Variants in TINAGL1 observed in about 807,000 individuals in gnomAD.
TINAGL1 encodes the protein tubulointerstitial nephritis antigen like 1.
TINAGL1 carries 34 observed loss-of-function variants against 62.0 expected under a neutral mutation model. The ratio of observed to expected loss-of-function variants is 0.55; its 90% CI spans 0.42 to 0.73. TINAGL1 has a LOEUF of 0.73. Ranked by LOEUF, TINAGL1 falls within the 30% of genes least tolerant of loss-of-function variation. The pLI, the probability that TINAGL1 is intolerant of heterozygous loss-of-function variation, is 0.00. For missense variants in TINAGL1, 516 were observed against 653.2 expected (o/e 0.79, Z 2.29); for synonymous variants, 221 against 249.7 (o/e 0.88, Z 1.08).
rs1227484015 is a variant in TINAGL1 at position 31,577,249 on chromosome 1, G to T, written c.101G>T (p.Gly34Val). ...CGTGGGCGCCGGGAGCTAGCACCGG[G>T]TCTGCACCTGCGGGGCATCCGGGAC... Reference protein sequence around the residue: ...QGRGRRELAPGLHLRGIRDAG... With the variant: ...QGRGRRELAPVLHLRGIRDAG... The change falls in exon 2 of 12, where the codon GGT (glycine) becomes GTT (valine). Residue 34 changes from glycine (G) to valine (V), a missense_variant. Transcript: ENST00000271064. The surrounding 1 kb of genome is among the most constrained non-coding windows in gnomAD (Gnocchi z 5.4). 5 of 1,610,226 alleles carry T rather than the reference G, an allele frequency of 3.1e-6. No individual in the cohort carries two copies. The highest frequency in any genetic ancestry group is 4.2e-6 in the Non-Finnish European group (5 of 1,179,098).
chr1:31,582,181 T>G (rs1025943386), intron 3 of TINAGL1, among the ~76,000 whole-genome samples: 18 of 151,922 alleles, frequency 1.2e-4, no homozygotes, highest in African/African-American at 3.9e-4. Flanking sequence ...ATTGCAAAAT[T>G]TAGCTGGGTG....
intron 10 of TINAGL1, 40 bp from the exon 11 acceptor site, chr1:31,586,670 T>C (rs993250746): frequency 1.3e-6 from 2 of 1,554,404 alleles, no homozygotes; most frequent in South Asian, 2.4e-5. Flanking sequence ...TGAGAGCAGG[T>C]AGACCCAGCT....
Position 31,577,107 on chromosome 1 carries a change from C to T in TINAGL1, c.-15-27C>T, listed in dbSNP as rs1479426924. The T allele has an allele frequency of 2.1e-6, 3 of 1,443,184 alleles. No individual in the cohort carries two copies. The highest frequency in any genetic ancestry group is 1.4e-5 in the African/African-American group (1 of 70,388). The allele number at this position is 1,443,184 out of a possible 1,614,324, so 89.4% of individuals were successfully genotyped here. A position where few individuals can be genotyped will look rare whatever the true frequency, so the allele number is the denominator to read the frequency against. On this transcript the variant is annotated intron_variant, in intron 1 of 11. Transcript: ENST00000271064. This position sits in a 1 kb window ranked among gnomAD's most constrained non-coding sequence, Gnocchi z 5.4. ...TCATCCCTGGTGTTCCAGGGAGTCT[C>T]TGCTGCCCACCATCTCTGCCCCCCA...
chr1:31,579,357 G>A, intron 3 of TINAGL1, 90 bp downstream of exon 3: 4 of 1,197,648 alleles, frequency 3.3e-6, no homozygotes, highest in Admixed American at 3.7e-5. Flanking sequence ...CTTTTGCAAG[G>A]GAGAAGTCTT....
rs558831508 is a variant in TINAGL1 at position 31,584,165 on chromosome 1, C to A, written c.583-513C>A. On this transcript the variant is annotated intron_variant, in intron 5 of 11. Transcript: ENST00000271064. This position sits in a 1 kb window ranked among gnomAD's most constrained non-coding sequence, Gnocchi z 4.0. ...GGGCTGGCAGGAGTGGCCCTCCCTG[C>A]GGAGACTTCGGCCTTGGGTGACCAG... is the stretch of plus-strand genomic sequence containing the variant. 6.2e-4 allele frequency: 105 copies of A among 169,322 alleles called. No homozygotes were observed. Among genetic ancestry groups the A allele is most frequent in the Non-Finnish European group, 1.0e-3 (81 of 77,242 alleles). 10.5% of individuals were successfully genotyped at this position (169,322 alleles called of 1,614,324 possible). A position where few individuals can be genotyped will look rare whatever the true frequency, so the allele number is the denominator to read the frequency against.
chr1:31,580,021 G>A (rs988112632), intron 3 of TINAGL1, among the ~76,000 whole-genome samples: 2 of 152,016 alleles, frequency 1.3e-5, no homozygotes, highest in South Asian at 2.1e-4. Context: ...GGGAGGGAAC[G>A]TTTCAGCATG....
At position 31,583,163 on chromosome 1, in the gene TINAGL1, A is replaced by C. The variant is rs767027895; in HGVS notation, c.389A>C (p.Asn130Thr). ...TTTCTCACCAGCACCTGCCAGGAGA[A>C]CAGGCAGTGGCAGTGTGACCAAGAA... ...DNCNRCTCQE[N>T]RQWQCDQEPC... is the part of the protein sequence containing the mutation. The change falls in exon 4 of 12, where the codon AAC becomes ACC. Residue 130 changes from asparagine (N) to threonine (T), a missense_variant. Coordinates refer to ENST00000271064, the MANE Select transcript of TINAGL1 (RefSeq NM_022164.3). This position sits in a 1 kb window ranked among gnomAD's most constrained non-coding sequence, Gnocchi z 4.4. The C allele has an allele frequency of 6.2e-7, 1 of 1,613,954 alleles. No homozygotes were observed. The highest frequency in any genetic ancestry group is 8.5e-7 in the Non-Finnish European group (1 of 1,179,966).
intron 3 of TINAGL1, among the ~76,000 whole-genome samples, chr1:31,581,128 AGG>A (rs1219617834): frequency 6.6e-6 from 1 of 152,198 alleles, no homozygotes; most frequent in Non-Finnish European, 1.5e-5. Context: ...GAGCTGGGGT[AGG>A]GGAGAGACGT....
At position 31,587,316 on chromosome 1, in the gene TINAGL1, T is replaced by A; in HGVS notation, c.*337T>A. The A allele has an allele frequency of 4.7e-6, 1 of 212,726 alleles. No homozygotes were observed. Among genetic ancestry groups the A allele is most frequent in the Non-Finnish European group, 9.2e-6 (1 of 108,886 alleles). The allele number at this position is 212,726 out of a possible 1,614,324, so 13.2% of individuals were successfully genotyped here. On this transcript the variant is annotated 3_prime_UTR_variant, in exon 12 of 12. Coordinates refer to ENST00000271064, the MANE Select transcript of TINAGL1 (RefSeq NM_022164.3). ...CAGCCCCACTACCCCACCCCACTCC[T>A]GTATTCTTTTTTTTTTTTTTTTAGA...
intron 3 of TINAGL1, among the ~76,000 whole-genome samples, chr1:31,581,169 G>A (rs931890075): frequency 7.2e-5 from 11 of 152,196 alleles, no homozygotes; most frequent in African/African-American, 2.7e-4. Context: ...ACGTTCCGTG[G>A]CTCACATCAG....
Position 31,585,071 on chromosome 1 carries a change from G to A in TINAGL1, c.857+35G>A. ...AACAGGGGATGTGGGCAGAGAAGAG[G>A]GCAAGGAGCTCCGTGGGCATGGCCT... On this transcript the variant is annotated intron_variant, in intron 7 of 11. Coordinates refer to ENST00000271064, the MANE Select transcript of TINAGL1 (RefSeq NM_022164.3). The surrounding 1 kb of genome is among the most constrained non-coding windows in gnomAD (Gnocchi z 4.3). 1.9e-6 allele frequency: 3 copies of A among 1,574,580 alleles called. No individual in the cohort carries two copies. Among genetic ancestry groups the A allele is most frequent in the Non-Finnish European group, 2.6e-6 (3 of 1,155,952 alleles).
At position 31,584,559 on chromosome 1, in the gene TINAGL1, G is replaced by A. The variant is rs925477280; in HGVS notation, c.583-119G>A. ...GGCAGCTGGAATCCTGCAGCAGCAG[G>A]AGGGCTCAAGATTAAACTGCAGAAG... On this transcript the variant is annotated intron_variant, in intron 5 of 11. Transcript: ENST00000271064. The surrounding 1 kb of genome is among the most constrained non-coding windows in gnomAD (Gnocchi z 4.0). 2.0e-6 allele frequency: 3 copies of A among 1,500,896 alleles called. No individual in the cohort carries two copies. The highest frequency in any genetic ancestry group is 2.7e-6 in the Non-Finnish European group (3 of 1,100,914). 93.0% of individuals were successfully genotyped at this position (1,500,896 alleles called of 1,614,324 possible).
intron 3 of TINAGL1, among the ~76,000 whole-genome samples, chr1:31,582,165 A>G (rs775779732): frequency 1.3e-5 from 2 of 152,134 alleles, no homozygotes; most frequent in Non-Finnish European, 2.9e-5. Flanking sequence ...CCCCATCTCT[A>G]CAAAAATTGC....
chr1:31,584,621 C>T lies in TINAGL1; in HGVS notation c.583-57C>T, dbSNP rs1639336392. ...GGTGGCCCTCCAGTGCCAATGGGCA[C>T]CTGAGGGGCAGGCCAGGGCAGAGCA... On this transcript the variant is annotated intron_variant, in intron 5 of 11. Coordinates refer to ENST00000271064, the MANE Select transcript of TINAGL1 (RefSeq NM_022164.3). This position sits in a 1 kb window ranked among gnomAD's most constrained non-coding sequence, Gnocchi z 4.0. The T allele has an allele frequency of 1.2e-6, 2 of 1,610,458 alleles. No homozygotes were observed. Among genetic ancestry groups the T allele is most frequent in the African/African-American group, 1.3e-5 (1 of 74,834 alleles).
Position 31,586,823 on chromosome 1 carries a change from C to T in TINAGL1, c.1264-16C>T, listed in dbSNP as rs763389490. The T allele has an allele frequency of 7.1e-6, 11 of 1,544,582 alleles. No individual in the cohort carries two copies. The South Asian group carries it at 1.2e-4, about 17-fold the overall frequency. On this transcript the variant is annotated splice_polypyrimidine_tract_variant and intron_variant, in intron 11 of 11. Coordinates refer to ENST00000271064, the MANE Select transcript of TINAGL1 (RefSeq NM_022164.3). ...CCACTCCCATTCCCCTTCTCACCACCCCTCCTTATTCCCAGACTGCGGCCA... is the reference window on the plus strand; with the variant it reads ...CCACTCCCATTCCCCTTCTCACCACTCCTCCTTATTCCCAGACTGCGGCCA...
At position 31,583,326 on chromosome 1, in the gene TINAGL1, A is replaced by G; in HGVS notation, c.467+85A>G. On this transcript the variant is annotated intron_variant, in intron 4 of 11. Coordinates refer to ENST00000271064, the MANE Select transcript of TINAGL1 (RefSeq NM_022164.3). The surrounding 1 kb of genome is among the most constrained non-coding windows in gnomAD (Gnocchi z 4.4). ...GCATGCTGTGCTGTGGGGCACGTCC[A>G]GCAGGCCACTCCTACACCCAGATTT... 1 of 1,515,368 alleles carries G rather than the reference A, an allele frequency of 6.6e-7. No individual in the cohort carries two copies. Among genetic ancestry groups the G allele is most frequent in the Non-Finnish European group, 9.1e-7 (1 of 1,095,368 alleles). The allele number at this position is 1,515,368 out of a possible 1,614,324, so 93.9% of individuals were successfully genotyped here. A position where few individuals can be genotyped will look rare whatever the true frequency, so the allele number is the denominator to read the frequency against.
Position 31,577,657 on chromosome 1 carries a change from G to A in TINAGL1, c.310+199G>A. On this transcript the variant is annotated intron_variant, in intron 2 of 11. Transcript: ENST00000271064. This position sits in a 1 kb window ranked among gnomAD's most constrained non-coding sequence, Gnocchi z 5.4. ...TGGTTAGAATTCTAATTTGGCCCAG[G>A]GAAAGGGCAACCTCCCACATTTTCT... The A allele has an allele frequency of 1.6e-6, 1 of 633,948 alleles. No individual in the cohort carries two copies. The highest frequency in any genetic ancestry group is 2.6e-6 in the Non-Finnish European group (1 of 383,346). The allele number at this position is 633,948 out of a possible 1,614,324, so 39.3% of individuals were successfully genotyped here. A position where few individuals can be genotyped will look rare whatever the true frequency, so the allele number is the denominator to read the frequency against.
intron 3 of TINAGL1, 63 bp downstream of exon 3, chr1:31,579,330 A>C: frequency 1.4e-6 from 2 of 1,473,436 alleles, no homozygotes; most frequent in Non-Finnish European, 1.9e-6. Flanking sequence ...ACTTGGTTCA[A>C]ATCTTATCCC....
At chr1:31,582,633 G>A (rs1288685153) in intron 3 of TINAGL1, among the ~76,000 whole-genome samples, 5 of 152,160 alleles carry the variant, frequency 3.3e-5, no homozygotes, top group African/African-American at 9.7e-5. Context: ...ACAGTGAGGA[G>A]GCCACAGCAG....
Sources: allele counts gnomAD v4.1 joint callset (sites outside exome capture counted in the v4.1 genomes callset), GRCh38; gene constraint gnomAD v4.1.1; non-coding constraint Gnocchi (gnomAD v3.1); transcripts MANE v1.5; gene names NCBI Gene and HGNC (gene_info 2026-07-23, HGNC 2026-07-21).